Variants in HDAC8 observed in about 807,000 individuals in gnomAD.
The protein encoded by HDAC8 is histone deacetylase 8, also known as histone deacetylase-like 1.
A neutral mutation model predicts 32.2 loss-of-function variants in HDAC8; 1 was observed. That is an observed-to-expected ratio of 0.03 (90% confidence interval 0.01 to 0.15). The LOEUF (loss-of-function observed/expected upper bound fraction) is 0.15. Ranked by LOEUF, HDAC8 falls within the 10% of genes least tolerant of loss-of-function variation. HDAC8 has a pLI of 1.00. For synonymous variants in HDAC8, 108 were observed against 113.9 expected (o/e 0.95, Z 0.33); for missense variants, 117 against 300.0 (o/e 0.39, Z 4.51).
chrX:72,489,760 AT>A (rs2048799658), intron 6 of HDAC8, among the ~76,000 whole-genome samples: 1 of 111,374 alleles, frequency 9.0e-6, no homozygotes, highest in East Asian at 2.8e-4. Context: ...ATGGGATCTA[AT>A]TAAACTAAAG....
At chrX:72,410,713 TC>T (rs2046167678) in intron 9 of HDAC8, among the ~76,000 whole-genome samples, 2 of 111,837 alleles carry the variant, frequency 1.8e-5, no homozygotes, top group Admixed American at 1.9e-4. Context: ...CCACATCTGT[TC>T]CTATCTGGAC....
chrX:72,552,400 C>T (rs1441319253), intron 4 of HDAC8, among the ~76,000 whole-genome samples: 1 of 111,754 alleles, frequency 8.9e-6, no homozygotes, highest in Non-Finnish European at 1.9e-5. Context: ...CACCTGAGGT[C>T]AGGAGTTCGA....
chrX:72,359,686 C>A (rs1261478230), intron 9 of HDAC8, among the ~76,000 whole-genome samples: 1 of 110,662 alleles, frequency 9.0e-6, no homozygotes, highest in Non-Finnish European at 1.9e-5. Flanking sequence ...GAGGCACCTG[C>A]AATAGTACAA....
chrX:72,495,351 T>A, intron 4 of HDAC8, 83 bp from the exon 5 acceptor site: 1 of 529,906 alleles, frequency 1.9e-6, no homozygotes, highest in Non-Finnish European at 3.0e-6. Flanking sequence ...ACCCTTGAGA[T>A]CTAGTCCCCT....
chrX:72,472,577 TG>T (rs1306420681), intron 7 of HDAC8, among the ~76,000 whole-genome samples: 1 of 112,007 alleles, frequency 8.9e-6, no homozygotes, highest in Non-Finnish European at 1.9e-5. Flanking sequence ...ACTGTAGTTT[TG>T]TTGTAAGTTT....
chrX:72,411,074 G>C (rs113305019), intron 9 of HDAC8, among the ~76,000 whole-genome samples: 4,501 of 93,735 alleles, frequency 0.048, 110 homozygotes, highest in Middle Eastern at 0.18. Context: ...TGCCCAGACT[G>C]GAGTGCAGTG....
chrX:72,493,872 G>A (rs940447563), intron 5 of HDAC8, among the ~76,000 whole-genome samples: 5 of 110,408 alleles, frequency 4.5e-5, no homozygotes, highest in Non-Finnish European at 9.5e-5. Context: ...AATTTTTTTC[G>A]AGATGGGGGT....
intron 4 of HDAC8, among the ~76,000 whole-genome samples, chrX:72,530,726 C>G (rs1603190350): frequency 9.0e-6 from 1 of 111,483 alleles, no homozygotes; most frequent in East Asian, 2.8e-4. Flanking sequence ...CATACATACC[C>G]TCTAATCAAT....
At chrX:72,405,616 A>G (rs2046016650) in intron 9 of HDAC8, among the ~76,000 whole-genome samples, 1 of 112,190 alleles carries the variant, frequency 8.9e-6, no homozygotes, top group African/African-American at 3.2e-5. Flanking sequence ...CTGCAACCTC[A>G]CCACCATCTG....
At chrX:72,529,240 C>CA (rs1308913048) in intron 4 of HDAC8, among the ~76,000 whole-genome samples, 1 of 112,085 alleles carries the variant, frequency 8.9e-6, no homozygotes, top group Non-Finnish European at 1.9e-5. Context: ...CATTATATGG[C>CA]AAAAATGGCT....
intron 9 of HDAC8, among the ~76,000 whole-genome samples, chrX:72,398,103 CACTT>C (rs1371464649): frequency 3.6e-5 from 4 of 112,161 alleles, no homozygotes; most frequent in African/African-American, 1.3e-4. Context: ...TCATCACTAA[CACTT>C]AGTGTTGTTT....
chrX:72,424,907 G>T (rs1403928518), intron 9 of HDAC8, among the ~76,000 whole-genome samples: 1 of 111,973 alleles, frequency 8.9e-6, no homozygotes, highest in African/African-American at 3.2e-5. Context: ...TCCATTTTAA[G>T]GCTGAATAAT....
At chrX:72,354,577 C>G (rs182203296) in intron 9 of HDAC8, among the ~76,000 whole-genome samples, 2 of 112,308 alleles carry the variant, frequency 1.8e-5, no homozygotes, top group East Asian at 2.8e-4. Flanking sequence ...CTTGAGGCAG[C>G]ATGATGAAGT....
intron 9 of HDAC8, among the ~76,000 whole-genome samples, chrX:72,401,474 T>G (rs2045900450): frequency 8.9e-6 from 1 of 111,936 alleles, no homozygotes; most frequent in Non-Finnish European, 1.9e-5. Context: ...AGTGATCTGC[T>G]GCTTTGGCCT....
chrX:72,351,935 C>A (rs2044194271), intron 9 of HDAC8, 97 bp from the exon 10 acceptor site: 1 of 610,496 alleles, frequency 1.6e-6, no homozygotes, highest in Non-Finnish European at 2.6e-6. Context: ...ATACTACCAA[C>A]AAGGCAAGGG....
At chrX:72,505,543 C>T (rs188308462) in intron 4 of HDAC8, among the ~76,000 whole-genome samples, 182 of 111,484 alleles carry the variant, frequency 1.6e-3, no homozygotes, top group African/African-American at 5.6e-3. Context: ...TAGGGCTAGG[C>T]GCAGTGGCTC....
intron 9 of HDAC8, among the ~76,000 whole-genome samples, chrX:72,440,849 T>C (rs1395606193): frequency 1.8e-5 from 2 of 112,349 alleles, no homozygotes; most frequent in Non-Finnish European, 3.8e-5. Flanking sequence ...GCTTTTCCGA[T>C]GGGCTTAAAA....
chrX:72,483,036 T>G (rs1411013349), intron 7 of HDAC8, among the ~76,000 whole-genome samples: 1 of 111,569 alleles, frequency 9.0e-6, no homozygotes, highest in Non-Finnish European at 1.9e-5. Context: ...GTACCAGTCA[T>G]AGAGGAGACA....
intron 4 of HDAC8, among the ~76,000 whole-genome samples, chrX:72,499,057 T>C (rs1556014771): frequency 3.6e-5 from 4 of 111,726 alleles, no homozygotes; most frequent in Non-Finnish European, 7.5e-5. Context: ...TCTCACCATG[T>C]GATTTGCACA....
Sources: allele counts gnomAD v4.1 joint callset (sites outside exome capture counted in the v4.1 genomes callset), GRCh38; gene constraint gnomAD v4.1.1; transcripts MANE v1.5; gene names NCBI Gene and HGNC (gene_info 2026-07-23, HGNC 2026-07-21).